Variants in BRF1 observed in about 807,000 individuals in gnomAD.
The protein encoded by BRF1 is transcription factor IIIB 90 kDa subunit.
Under a neutral mutation model 81.7 loss-of-function variants are expected in BRF1, and 59 were observed. The observed-to-expected ratio is 0.72, with a 90% CI of 0.59 to 0.90. BRF1 has a LOEUF of 0.90. BRF1 is among the 40% of genes least tolerant of loss of function. The pLI, the probability that BRF1 is intolerant of heterozygous loss-of-function variation, is 0.00. For missense variants in BRF1, 1,050 were observed against 936.3 expected (o/e 1.12, Z -1.58); for synonymous variants, 491 against 395.6 (o/e 1.24, Z -2.86).
In BRF1 at chr14:105,210,285, G is replaced by A. The variant is rs750645251; in HGVS notation, c.*266C>T. The A allele has an allele frequency of 2.6e-4, 133 of 504,456 alleles. No individual in the cohort carries two copies. The highest frequency in any genetic ancestry group is 2.2e-3 in the Middle Eastern group (4 of 1,832). 31.2% of individuals were successfully genotyped at this position (504,456 alleles called of 1,614,324 possible). Reference sequence around the variant, plus strand: ...GCCTTGGAGGGTCCTTGGATGAGTCGACGGCAGGCAGCGGGACCCAGCCCT... The same window carrying A: ...GCCTTGGAGGGTCCTTGGATGAGTCAACGGCAGGCAGCGGGACCCAGCCCT... On this transcript the variant is annotated 3_prime_UTR_variant, in exon 18 of 18. Transcript: ENST00000547530. The surrounding 1 kb of genome is among the most constrained non-coding windows in gnomAD (Gnocchi z 4.7).
chr14:105,308,341 G>A (rs958675590), intron 1 of BRF1, among the ~76,000 whole-genome samples: 2 of 152,044 alleles, frequency 1.3e-5, no homozygotes, highest in Non-Finnish European at 2.9e-5. Context: ...AATTAGCCAG[G>A]TGTGGTGGTA....
At chr14:105,266,188 G>A (rs2056407455) in intron 3 of BRF1, among the ~76,000 whole-genome samples, 1 of 152,268 alleles carries the variant, frequency 6.6e-6, no homozygotes, top group Admixed American at 6.5e-5. Context: ...GCTCACACCT[G>A]TAATCCCAAC....
At chr14:105,226,496 C>T in intron 8 of BRF1, 138 bp downstream of exon 8, 1 of 1,510,708 alleles carries the variant, frequency 6.6e-7, no homozygotes, top group Non-Finnish European at 8.9e-7. Flanking sequence ...GAGCCTCGGG[C>T]TCTGGCTGGT....
At chr14:105,289,189 A>T (rs587629642) in intron 1 of BRF1, among the ~76,000 whole-genome samples, 1 of 152,046 alleles carries the variant, frequency 6.6e-6, no homozygotes, top group Admixed American at 6.6e-5. Context: ...TCTACAAAAA[A>T]AAAATGAGCG....
chr14:105,222,715 G>T (rs190856753), intron 10 of BRF1, among the ~76,000 whole-genome samples: 1 of 151,656 alleles, frequency 6.6e-6, no homozygotes, highest in East Asian at 1.9e-4. Flanking sequence ...TGCAAGCTCC[G>T]CCTCCCGGGT....
At chr14:105,249,580 G>GCCCAGC (rs2055455027) in intron 5 of BRF1, 1 of 1,585,104 alleles carries the variant, frequency 6.3e-7, no homozygotes, top group Non-Finnish European at 8.6e-7. Flanking sequence ...CCTCTCCCAG[G>GCCCAGC]CCCAGCCCCG....
rs1428269701 is a variant in BRF1 at position 105,284,667 on chromosome 14, A to C, written c.265+1629T>G. On this transcript the variant is annotated intron_variant, in intron 2 of 17. Coordinates refer to ENST00000547530, the MANE Select transcript of BRF1 (RefSeq NM_001519.4). This position sits in a 1 kb window ranked among gnomAD's most constrained non-coding sequence, Gnocchi z 4.0. Reference sequence around the variant, plus strand: ...ACAGTGAAGCCAAAGAGATCCTAGCACAAAGTATCCCTGCCTGGACTGACC... The same window carrying C: ...ACAGTGAAGCCAAAGAGATCCTAGCCCAAAGTATCCCTGCCTGGACTGACC... Among the ~76,000 whole-genome samples, 1 of 152,226 alleles carries C rather than the reference A, an allele frequency of 6.6e-6. No homozygotes were observed. The highest frequency in any genetic ancestry group is 1.5e-5 in the Non-Finnish European group (1 of 68,044).
chr14:105,247,951 C>G, intron 5 of BRF1: 4 of 985,486 alleles, frequency 4.1e-6, no homozygotes, highest in Non-Finnish European at 4.8e-6. Flanking sequence ...CCTGCGACTG[C>G]GATCCACAGG....
At chr14:105,294,669 A>G (rs940972310) in intron 1 of BRF1, among the ~76,000 whole-genome samples, 2 of 152,240 alleles carry the variant, frequency 1.3e-5, no homozygotes, top group African/African-American at 4.8e-5. Context: ...GCCAGTTCTT[A>G]GAAAAGATCA....
chr14:105,312,608 G>A (rs1041895272), intron 1 of BRF1, among the ~76,000 whole-genome samples: 2 of 152,058 alleles, frequency 1.3e-5, no homozygotes, highest in African/African-American at 4.8e-5. Context: ...ATGCCTCCCA[G>A]CCTTCAGGGG....
At chr14:105,227,023 G>C (rs1395065046) in intron 7 of BRF1, 4 of 421,804 alleles carry the variant, frequency 9.5e-6, no homozygotes, top group Non-Finnish European at 1.7e-5. Flanking sequence ...CTGAGGTCAG[G>C]GAGAATCGCT....
intron 3 of BRF1, among the ~76,000 whole-genome samples, chr14:105,260,684 T>C (rs2056108038): frequency 6.6e-6 from 1 of 152,208 alleles, no homozygotes; most frequent in African/African-American, 2.4e-5. Context: ...CAGAAAATTT[T>C]CTTAATAAAA....
chr14:105,254,991 C>A (rs1307339585), intron 4 of BRF1, among the ~76,000 whole-genome samples: 1 of 152,248 alleles, frequency 6.6e-6, no homozygotes, highest in Non-Finnish European at 1.5e-5. Context: ...CAGCTGCCCC[C>A]CCCATCTCTC....
rs1394594187 is a variant in BRF1 at position 105,291,857 on chromosome 14, G to A, written c.185-5481C>T. 2.6e-5 allele frequency among the ~76,000 whole-genome samples: 4 copies of A among 152,226 alleles called. No individual in the cohort carries two copies. In the East Asian group the frequency reaches 7.8e-4, roughly 30 times the overall value. ...TACTAAAAACACAAAAATTAGCCGGGCATGGTGGCACATGCCTGTAATACC... is the reference window on the plus strand; with the variant it reads ...TACTAAAAACACAAAAATTAGCCGGACATGGTGGCACATGCCTGTAATACC... On this transcript the variant is annotated intron_variant, in intron 1 of 17. Transcript: ENST00000547530.
At chr14:105,211,588 A>G (rs1305720090) in intron 16 of BRF1, 6 of 442,346 alleles carry the variant, frequency 1.4e-5, no homozygotes, top group Admixed American at 4.1e-5. Flanking sequence ...TTTCCAGACC[A>G]TAGGCCTCGG....
rs1434445828 is a variant in BRF1, at chr14:105,249,070, C to T, written c.544+3437G>A. 2 of 1,364,024 alleles carry T rather than the reference C, an allele frequency of 1.5e-6. No individual in the cohort carries two copies. Among genetic ancestry groups the T allele is most frequent in the South Asian group, 3.4e-5 (2 of 58,030 alleles). The allele number at this position is 1,364,024 out of a possible 1,614,324, so 84.5% of individuals were successfully genotyped here. A position where few individuals can be genotyped will look rare whatever the true frequency, so the allele number is the denominator to read the frequency against. On this transcript the variant is annotated intron_variant, in intron 5 of 17. Transcript: ENST00000547530. ...AGCCCCGGCTGGCGGTGCTGCCGCC[C>T]CACGCTGCGCGAGAGGTGAGCCCGT... is the stretch of plus-strand genomic sequence containing the variant.
intron 1 of BRF1, among the ~76,000 whole-genome samples, chr14:105,286,661 A>G (rs953144799): frequency 1.3e-5 from 2 of 151,804 alleles, no homozygotes; most frequent in Non-Finnish European, 2.9e-5. Flanking sequence ...GCTGGAGTGC[A>G]GTGGTCCCAT....
intron 5 of BRF1, chr14:105,247,865 A>C (rs1023198285): frequency 3.0e-6 from 3 of 985,556 alleles, no homozygotes; most frequent in Non-Finnish European, 3.6e-6. Flanking sequence ...CCTCATCAGC[A>C]AAGCCAGTGC....
In BRF1 at chr14:105,309,657, G is replaced by A. The variant is rs1293861877; in HGVS notation, c.-162+5665C>T. ...CCCAGGTGCTGTGTGAGGGAGCTGCGCTGCCTGCGCCCAACCCAGGAGGGG... is the reference window on the plus strand; with the variant it reads ...CCCAGGTGCTGTGTGAGGGAGCTGCACTGCCTGCGCCCAACCCAGGAGGGG... On this transcript the variant is annotated intron_variant, in intron 1 of 17. Transcript: ENST00000327359. The surrounding 1 kb of genome is among the most constrained non-coding windows in gnomAD (Gnocchi z 4.0). 6.6e-6 allele frequency among the ~76,000 whole-genome samples: 1 copy of A among 152,182 alleles called. No homozygotes were observed. Among genetic ancestry groups the A allele is most frequent in the East Asian group, 1.9e-4 (1 of 5,192 alleles).
Sources: allele counts gnomAD v4.1 joint callset (sites outside exome capture counted in the v4.1 genomes callset), GRCh38; gene constraint gnomAD v4.1.1; non-coding constraint Gnocchi (gnomAD v3.1); transcripts MANE v1.5; gene names NCBI Gene and HGNC (gene_info 2026-07-23, HGNC 2026-07-21).